CHCHD3: variants seen among roughly 807,000 people sequenced by gnomAD.
CHCHD3 encodes the protein coiled-coil-helix-coiled-coil-helix domain containing 3.
In CHCHD3, 20 loss-of-function variants were observed where a neutral mutation model predicts 38.2. The observed-to-expected ratio is 0.52, with a 90% CI of 0.37 to 0.76. The LOEUF (loss-of-function observed/expected upper bound fraction) is 0.76. Ranked by LOEUF, CHCHD3 falls within the 30% of genes least tolerant of loss-of-function variation. CHCHD3 has a pLI of 0.00. For missense variants in CHCHD3, 245 were observed against 279.2 expected (o/e 0.88, Z 0.87); for synonymous variants, 82 against 100.0 (o/e 0.82, Z 1.07).
chr7:132,976,394 T>A (rs919411016), intron 3 of CHCHD3, among the ~76,000 whole-genome samples: 3 of 152,178 alleles, frequency 2.0e-5, no homozygotes, highest in Non-Finnish European at 4.4e-5. Flanking sequence ...CATCACACAA[T>A]TAGATCATAT....
At chr7:132,833,895 T>A (rs1014305155) in intron 6 of CHCHD3, among the ~76,000 whole-genome samples, 1 of 152,192 alleles carries the variant, frequency 6.6e-6, no homozygotes, top group Non-Finnish European at 1.5e-5. Context: ...ATATTGCCCT[T>A]GACACTGCAC....
At chr7:133,054,624 G>A (rs1183447268) in intron 2 of CHCHD3, among the ~76,000 whole-genome samples, 3 of 152,128 alleles carry the variant, frequency 2.0e-5, no homozygotes, top group Admixed American at 1.3e-4. Flanking sequence ...CCATGCAATG[G>A]TGTTTAGTAT....
chr7:132,803,815 G>GT (rs1392476597), intron 6 of CHCHD3, among the ~76,000 whole-genome samples: 1 of 137,856 alleles, frequency 7.3e-6, no homozygotes, highest in African/African-American at 2.6e-5. Flanking sequence ...CAGTCCCTCT[G>GT]TTTTTTCTCC....
chr7:132,835,496 A>G (rs2117090965), intron 6 of CHCHD3, among the ~76,000 whole-genome samples: 1 of 152,238 alleles, frequency 6.6e-6, no homozygotes, highest in African/African-American at 2.4e-5. Flanking sequence ...GGCCCTGCTG[A>G]CTTGCAGGAG....
chr7:133,006,071 A>C (rs1262048261), intron 3 of CHCHD3, among the ~76,000 whole-genome samples: 1 of 152,248 alleles, frequency 6.6e-6, no homozygotes, highest in Non-Finnish European at 1.5e-5. Flanking sequence ...TATTAACTTA[A>C]CATTAACCTA....
chr7:132,857,433 G>C (rs995504464), intron 5 of CHCHD3, among the ~76,000 whole-genome samples: 7 of 152,128 alleles, frequency 4.6e-5, no homozygotes, highest in African/African-American at 7.2e-5. Flanking sequence ...TTGAGACGGA[G>C]TTCTGCTCTT....
chr7:133,049,399 G>A (rs887918546), intron 2 of CHCHD3, among the ~76,000 whole-genome samples: 4 of 152,206 alleles, frequency 2.6e-5, no homozygotes, highest in African/African-American at 9.7e-5. Context: ...CATATTTTTA[G>A]ACATGTGATT....
At chr7:132,816,535 C>T (rs1807204026) in intron 6 of CHCHD3, among the ~76,000 whole-genome samples, 1 of 152,160 alleles carries the variant, frequency 6.6e-6, no homozygotes, top group African/African-American at 2.4e-5. Flanking sequence ...ACGATCTCTC[C>T]AGAAAGTCCT....
intron 5 of CHCHD3, among the ~76,000 whole-genome samples, chr7:132,884,260 C>G (rs1415376101): frequency 6.6e-6 from 1 of 152,090 alleles, no homozygotes; most frequent in Non-Finnish European, 1.5e-5. Context: ...CAAATGTCAT[C>G]TCAACAGAGA....
At chr7:132,789,193 A>T (rs1340228553) in intron 7 of CHCHD3, among the ~76,000 whole-genome samples, 1 of 152,238 alleles carries the variant, frequency 6.6e-6, no homozygotes, top group African/African-American at 2.4e-5. Flanking sequence ...TGCATAAATT[A>T]ACATAGGAAA....
intron 3 of CHCHD3, among the ~76,000 whole-genome samples, chr7:133,022,737 C>T (rs1813224146): frequency 6.6e-6 from 1 of 151,840 alleles, no homozygotes; most frequent in Non-Finnish European, 1.5e-5. Flanking sequence ...CTAGGCTGCC[C>T]ACCCCATTCC....
chr7:133,013,657 T>C (rs1365511711), intron 3 of CHCHD3, among the ~76,000 whole-genome samples: 1 of 152,042 alleles, frequency 6.6e-6, no homozygotes, highest in Non-Finnish European at 1.5e-5. Context: ...TATGCTGACA[T>C]GGGAAGAGAG....
intron 6 of CHCHD3, among the ~76,000 whole-genome samples, chr7:132,820,611 G>GTTTTTTTTTTTTTTTTTTTTTTT (rs748470167): frequency 3.1e-5 from 3 of 96,192 alleles, no homozygotes; most frequent in Non-Finnish European, 2.0e-5. Flanking sequence ...ATGTGCTAGT[G>GTTTTTTTTTTTTTTTTTTTTTTT]TTTTTTTTTT....
At chr7:132,807,651 CATAAATACCTACACTTGAT>C (rs1806966309) in intron 6 of CHCHD3, among the ~76,000 whole-genome samples, 1 of 108,310 alleles carries the variant, frequency 9.2e-6, no homozygotes, top group African/African-American at 3.3e-5. Flanking sequence ...ATATACTTGA[CATAAATACCTACACTTGAT>C]CTTAGCCAAA....
chr7:132,956,082 C>A (rs1022627495), intron 4 of CHCHD3, among the ~76,000 whole-genome samples: 2 of 152,190 alleles, frequency 1.3e-5, no homozygotes, highest in Non-Finnish European at 2.9e-5. Flanking sequence ...TCAGTTGAAT[C>A]CATAAGAGAG....
At chr7:132,877,352 T>C (rs1335672707) in intron 5 of CHCHD3, among the ~76,000 whole-genome samples, 23 of 152,144 alleles carry the variant, frequency 1.5e-4, no homozygotes, top group Admixed American at 1.5e-3. Context: ...ATTGATATTT[T>C]TCCCCAGAGC....
intron 4 of CHCHD3, among the ~76,000 whole-genome samples, chr7:132,902,913 A>C (rs1809706337): frequency 6.6e-6 from 1 of 152,218 alleles, no homozygotes; most frequent in African/African-American, 2.4e-5. Flanking sequence ...CGAGGCAGAG[A>C]GCTCCACAAT....
At chr7:133,018,946 C>G (rs911173439) in intron 3 of CHCHD3, among the ~76,000 whole-genome samples, 1 of 130,428 alleles carries the variant, frequency 7.7e-6, no homozygotes, top group Non-Finnish European at 1.5e-5. Context: ...TGCAGTGGCG[C>G]GATCTTGGCT....
Position 133,082,018 on chromosome 7 carries a change from G to C in CHCHD3, c.-81C>G. 7.9e-7 allele frequency: 1 copy of C among 1,267,656 alleles called. No homozygotes were observed. Among genetic ancestry groups the C allele is most frequent in the Non-Finnish European group, 1.1e-6 (1 of 934,152 alleles). 78.5% of individuals were successfully genotyped at this position (1,267,656 alleles called of 1,614,324 possible). A position where few individuals can be genotyped will look rare whatever the true frequency, so the allele number is the denominator to read the frequency against. On this transcript the variant is annotated 5_prime_UTR_variant, in exon 1 of 8. Transcript: ENST00000262570. ...CCCCCGCACCCACACGCGCGTGGAA[G>C]GGCCTGGATTCTTTTCCCGCACAGC...
Sources: gnomAD v4.1 joint callset for allele counts (sites outside exome capture counted in the v4.1 genomes callset) on GRCh38, gnomAD v4.1.1 for gene constraint, MANE v1.5 for transcripts, NCBI Gene and HGNC (gene_info 2026-07-23, HGNC 2026-07-21) for gene names.